The following MMP26 variants were observed in gnomAD, a reference collection of about 807,000 sequenced individuals.
MMP26 encodes the protein matrix metallopeptidase 26, also known as matrix metalloproteinase-26.
Under a neutral mutation model 31.0 loss-of-function variants are expected in MMP26, and 33 were observed. The observed-to-expected ratio is 1.06, with a 90% CI of 0.81 to 1.42. The LOEUF is 1.42. Among genes scored for constraint, MMP26 ranks in the 40% most tolerant of loss-of-function variants. The pLI is 0.00. For missense variants in MMP26, 347 were observed against 316.1 expected, an observed-to-expected ratio of 1.10 and a Z score of -0.74; for synonymous variants, 122 against 114.9, an observed-to-expected ratio of 1.06 and a Z score of -0.40.
At chr11:4,790,864 T>C (rs1849016410) in intron 2 of MMP26, among the ~76,000 whole-genome samples, 1 of 152,182 alleles carries the variant, frequency 6.6e-6, no homozygotes, top group South Asian at 2.1e-4. Flanking sequence ...GTTACTGACG[T>C]TTAAAAATAA....
chr11:4,907,932 C>T (rs1202502837), intron 2 of MMP26: 2 of 1,613,912 alleles, frequency 1.2e-6, no homozygotes, highest in African/African-American at 1.3e-5. Flanking sequence ...ATGAAGCTGG[C>T]CTGCTCTGAC....
intron 2 of MMP26, chr11:4,943,477 T>C (rs1429131025): frequency 2.2e-6 from 1 of 456,276 alleles, no homozygotes; most frequent in Non-Finnish European, 4.4e-6. Flanking sequence ...TAGTTACATT[T>C]AGACTAAGGT....
chr11:4,737,328 AG>A (rs1848254268), intron 1 of MMP26, among the ~76,000 whole-genome samples: 1 of 152,168 alleles, frequency 6.6e-6, no homozygotes, highest in African/African-American at 2.4e-5. Context: ...TTCACAATAC[AG>A]AATAGCACCT....
intron 1 of MMP26, chr11:4,722,590 C>T: frequency 1.9e-6 from 1 of 516,530 alleles, no homozygotes; most frequent in Non-Finnish European, 3.4e-6. Context: ...TCCTCAGGCA[C>T]TAAACTCCCC....
chr11:4,888,830 A>G (rs1850578546), intron 2 of MMP26, among the ~76,000 whole-genome samples: 1 of 152,170 alleles, frequency 6.6e-6, no homozygotes, highest in Admixed American at 6.6e-5. Context: ...ATGGGAAATC[A>G]ACTATTCACA....
intron 1 of MMP26, among the ~76,000 whole-genome samples, chr11:4,732,003 C>T (rs1848180079): frequency 6.6e-6 from 1 of 152,146 alleles, no homozygotes; most frequent in Admixed American, 6.5e-5. Context: ...GGAGAAACCA[C>T]CCACATTCAT....
At chr11:4,818,747 G>A (rs1157386663) in intron 2 of MMP26, among the ~76,000 whole-genome samples, 1 of 152,022 alleles carries the variant, frequency 6.6e-6, no homozygotes, top group Non-Finnish European at 1.5e-5. Flanking sequence ...TTAAAAGACT[G>A]TTTTTCTCGT....
intron 1 of MMP26, among the ~76,000 whole-genome samples, chr11:4,726,394 G>A (rs762557924): frequency 6.6e-6 from 1 of 151,862 alleles, no homozygotes; most frequent in African/African-American, 2.4e-5. Flanking sequence ...CCCGGGAGAC[G>A]GAGGTTGAAA....
At chr11:4,726,082 T>C (rs1007367855) in intron 1 of MMP26, among the ~76,000 whole-genome samples, 2 of 152,234 alleles carry the variant, frequency 1.3e-5, no homozygotes, top group African/African-American at 4.8e-5. Context: ...AGTAGTTTGT[T>C]GGGAGACTTT....
intron 2 of MMP26, among the ~76,000 whole-genome samples, chr11:4,864,784 G>T (rs1373151926): frequency 6.6e-6 from 1 of 152,090 alleles, no homozygotes; most frequent in Non-Finnish European, 1.5e-5. Context: ...ACTCCTCCAT[G>T]TCTACAGAAA....
chr11:4,942,068 C>A (rs1197889353), intron 2 of MMP26, among the ~76,000 whole-genome samples: 2 of 55,064 alleles, frequency 3.6e-5, no homozygotes, highest in East Asian at 5.5e-4. Context: ...CCAGCCTGGG[C>A]AGCAGAATGA....
intron 2 of MMP26, chr11:4,821,187 A>G (rs1564788071): frequency 3.8e-6 from 2 of 533,064 alleles, no homozygotes; most frequent in Non-Finnish European, 6.6e-6. Context: ...TACTTAAGAA[A>G]ATTTGATGTG....
At chr11:4,794,670 C>T (rs1307076240) in intron 2 of MMP26, among the ~76,000 whole-genome samples, 2 of 152,062 alleles carry the variant, frequency 1.3e-5, no homozygotes, top group Admixed American at 1.3e-4. Context: ...ATAAGGTGGG[C>T]TATTTTGCAA....
chr11:4,742,406 G>A (rs542830251), intron 1 of MMP26, among the ~76,000 whole-genome samples: 1 of 152,312 alleles, frequency 6.6e-6, no homozygotes, highest in Non-Finnish European at 1.5e-5. Context: ...TGAGACCTAA[G>A]TTCCAAGTAT....
At chr11:4,935,651 T>A (rs1383470576) in intron 2 of MMP26, among the ~76,000 whole-genome samples, 5 of 151,730 alleles carry the variant, frequency 3.3e-5, no homozygotes, top group Admixed American at 6.6e-5. Flanking sequence ...CCCTGTCTTG[T>A]GCCAGTTTTC....
intron 2 of MMP26, among the ~76,000 whole-genome samples, chr11:4,836,887 C>T (rs2133485163): frequency 6.6e-6 from 1 of 151,322 alleles, no homozygotes; most frequent in South Asian, 2.1e-4. Context: ...CAGGCTGGTC[C>T]CGAACTCCTG....
At chr11:4,853,024 A>C (rs147970527) in intron 2 of MMP26, among the ~76,000 whole-genome samples, 2,325 of 152,304 alleles carry the variant, frequency 0.015, 56 homozygotes, top group African/African-American at 0.051. Context: ...AACAGAACAG[A>C]AGGGTGATTA....
chr11:4,848,087 A>G (rs1849900151), intron 2 of MMP26: 4 of 776,412 alleles, frequency 5.2e-6, no homozygotes, highest in African/African-American at 1.7e-5. Flanking sequence ...GCATCAATAT[A>G]CACAGGCATA....
intron 2 of MMP26, among the ~76,000 whole-genome samples, chr11:4,894,710 G>A (rs1416631646): frequency 6.6e-6 from 1 of 152,170 alleles, no homozygotes; most frequent in Non-Finnish European, 1.5e-5. Context: ...AGATCAGGAG[G>A]TAAAGAAGGT....
Sources: allele counts gnomAD v4.1 joint callset (sites outside exome capture counted in the v4.1 genomes callset), GRCh38; gene constraint gnomAD v4.1.1; transcripts MANE v1.5; gene names NCBI Gene and HGNC (gene_info 2026-07-23, HGNC 2026-07-21).